TTC34: variants seen among roughly 807,000 people sequenced by gnomAD.
TTC34 encodes tetratricopeptide repeat protein 34.
TTC34 carries 44 observed loss-of-function variants against 40.7 expected under a neutral mutation model. The ratio of observed to expected loss-of-function variants is 1.08; its 90% CI spans 0.85 to 1.39. The LOEUF (loss-of-function observed/expected upper bound fraction) is 1.39. Among genes scored for constraint, TTC34 ranks in the 40% most tolerant of loss-of-function variants. TTC34 has a pLI of 0.00. For missense variants in TTC34, 884 were observed against 838.0 expected (o/e 1.05, Z -0.68); for synonymous variants, 422 against 398.6 (o/e 1.06, Z -0.70).
At chr1:2,683,268 C>A (rs570581758) in intron 6 of TTC34, among the ~76,000 whole-genome samples, 4 of 151,722 alleles carry the variant, frequency 2.6e-5, no homozygotes, top group East Asian at 1.9e-4. Context: ...GCAGCACCCA[C>A]ACCCACAGGT....
intron 6 of TTC34, among the ~76,000 whole-genome samples, chr1:2,685,011 T>C (rs1470862131): frequency 2.1e-5 from 3 of 143,346 alleles, no homozygotes; most frequent in African/African-American, 5.6e-5. Flanking sequence ...CAGGCGAGCA[T>C]CTGACAGCAT....
chr1:2,782,157 G>T (rs958331050), intron 6 of TTC34, among the ~76,000 whole-genome samples: 2 of 152,114 alleles, frequency 1.3e-5, no homozygotes, highest in Non-Finnish European at 2.9e-5. Flanking sequence ...GGAGATTTTT[G>T]ATTACTGACT....
chr1:2,676,955 A>T (rs1165175070), intron 6 of TTC34, among the ~76,000 whole-genome samples: 1 of 122,528 alleles, frequency 8.2e-6, no homozygotes, highest in Non-Finnish European at 1.7e-5. Flanking sequence ...ACAGCATGGA[A>T]CAGCACCCTG....
At position 2,748,735 on chromosome 1, in the gene TTC34, C is replaced by A. The variant is rs1414133514; in HGVS notation, c.2226+34874G>T. Among the ~76,000 whole-genome samples, 23 of 124,142 alleles carry A rather than the reference C, an allele frequency of 1.9e-4. 2 individuals carry two copies. The highest frequency in any genetic ancestry group is 4.9e-5 in the Non-Finnish European group (3 of 61,646). 81.4% of individuals were successfully genotyped at this position (124,142 alleles called of 152,430 possible). On this transcript the variant is annotated intron_variant, in intron 6 of 8. Coordinates refer to ENST00000401095, the Ensembl canonical transcript of TTC34. ...AGAACCCACACCTCCAGGTGAGCAT[C>A]TGACAGACTGGAACAGCACCCACAC...
chr1:2,783,771 G>C, exon 6 of TTC34: 5 of 1,501,936 alleles, frequency 3.3e-6, no homozygotes, highest in Non-Finnish European at 4.5e-6. Flanking sequence ...CACTTGCCTG[G>C]CTTCCTGCAG....
chr1:2,686,648 G>T (rs1373565418), intron 6 of TTC34, among the ~76,000 whole-genome samples: 7 of 148,676 alleles, frequency 4.7e-5, no homozygotes, highest in Non-Finnish European at 8.9e-5. Context: ...ACACACCCAG[G>T]TGAGCATCTG....
chr1:2,771,767 C>T (rs1230020020), intron 6 of TTC34, among the ~76,000 whole-genome samples: 2 of 128,644 alleles, frequency 1.6e-5, no homozygotes, highest in East Asian at 2.2e-4. Context: ...TCCACACCCC[C>T]AGGTGAGCAT....
At chr1:2,751,408 C>T (rs1412841374) in intron 6 of TTC34, among the ~76,000 whole-genome samples, 12 of 123,950 alleles carry the variant, frequency 9.7e-5, no homozygotes, top group African/African-American at 1.9e-4. Flanking sequence ...CACCCACACA[C>T]ACAGGTGGGC....
chr1:2,646,728 G>A (rs1055231632), intron 6 of TTC34, among the ~76,000 whole-genome samples: 3 of 152,212 alleles, frequency 2.0e-5, no homozygotes, highest in Non-Finnish European at 4.4e-5. Context: ...ATTAAAAGAA[G>A]AAATAAATAC....
At position 2,645,105 on chromosome 1, in the gene TTC34, G is replaced by A. The variant is rs1250677200; in HGVS notation, c.2497+188C>T. ...AGCCACCCGGGTAAAGCAGAGGAGA[G>A]CCTTTTGAACGCCAGGCCTCACACA... On this transcript the variant is annotated intron_variant, in intron 7 of 8. Coordinates refer to ENST00000401095, the Ensembl canonical transcript of TTC34. This position sits in a 1 kb window ranked among gnomAD's most constrained non-coding sequence, Gnocchi z 4.7. Among the ~76,000 whole-genome samples the A allele has an allele frequency of 6.6e-6, 1 of 152,194 alleles. No homozygotes were observed. The highest frequency in any genetic ancestry group is 1.5e-5 in the Non-Finnish European group (1 of 68,038).
intron 6 of TTC34, among the ~76,000 whole-genome samples, chr1:2,652,399 C>A (rs868320856): frequency 5.3e-5 from 7 of 132,066 alleles, no homozygotes; most frequent in Admixed American, 7.3e-5. Context: ...TGGAGCAGCA[C>A]GCACACCCCC....
exon 4 of TTC34, chr1:2,787,682 C>T: frequency 6.5e-7 from 1 of 1,547,322 alleles, no homozygotes; most frequent in Non-Finnish European, 8.7e-7. Flanking sequence ...GCAGTGTGGC[C>T]AGCTGGTGCA....
chr1:2,751,278 C>A lies in TTC34; in HGVS notation c.2226+32331G>T, dbSNP rs1435589355. Among the ~76,000 whole-genome samples the A allele has an allele frequency of 4.0e-4, 48 of 120,788 alleles. 7 individuals carry two copies. Among genetic ancestry groups the A allele is most frequent in the Non-Finnish European group, 4.5e-4 (27 of 59,524 alleles). 79.2% of individuals were successfully genotyped at this position (120,788 alleles called of 152,430 possible). A position where few individuals can be genotyped will look rare whatever the true frequency, so the allele number is the denominator to read the frequency against. ...GTGAGCATCCGACAGCCTGGAACAG[C>A]ACCCACACACCCAGGTGAGCATCCG... is the stretch of plus-strand genomic sequence containing the variant. On this transcript the variant is annotated intron_variant, in intron 6 of 8. Coordinates refer to ENST00000401095, the Ensembl canonical transcript of TTC34.
chr1:2,778,475 A>C (rs761883223), intron 6 of TTC34, among the ~76,000 whole-genome samples: 1 of 152,198 alleles, frequency 6.6e-6, no homozygotes, highest in East Asian at 1.9e-4. Flanking sequence ...TTGAGTAGAC[A>C]GCTCAGGCTA....
intron 6 of TTC34, among the ~76,000 whole-genome samples, chr1:2,700,275 C>G (rs531245148): frequency 1.0e-5 from 1 of 100,366 alleles, no homozygotes; most frequent in African/African-American, 3.0e-5. Flanking sequence ...ATGCGATAGC[C>G]TGGAGCAGCA....
intron 6 of TTC34, among the ~76,000 whole-genome samples, chr1:2,688,388 C>T (rs1466231789): frequency 7.4e-5 from 10 of 135,996 alleles, no homozygotes; most frequent in African/African-American, 2.4e-4. Context: ...GAGCATCTGA[C>T]AGCCTGGAAC....
intron 6 of TTC34, among the ~76,000 whole-genome samples, chr1:2,691,143 C>A (rs1488204101): frequency 1.4e-5 from 1 of 69,506 alleles, no homozygotes; most frequent in Non-Finnish European, 3.4e-5. Context: ...ACCCACACCG[C>A]CAGGGGAGTA....
At chr1:2,786,136 C>G in intron 4 of TTC34, 113 bp from the exon 5 acceptor site, 2 of 1,030,610 alleles carry the variant, frequency 1.9e-6, no homozygotes, top group African/African-American at 1.7e-5. Flanking sequence ...CCAGGGTCCA[C>G]CTGGTGCCAA....
At chr1:2,656,342 G>A (rs1447615080) in intron 6 of TTC34, among the ~76,000 whole-genome samples, 89 of 141,848 alleles carry the variant, frequency 6.3e-4, no homozygotes, top group Middle Eastern at 0.01. Flanking sequence ...ACACCCCCAG[G>A]TGAGCATCTG....
Sources: gnomAD v4.1 joint callset for allele counts (sites outside exome capture counted in the v4.1 genomes callset) on GRCh38, gnomAD v4.1.1 for gene constraint, Gnocchi (gnomAD v3.1) non-coding constraint, MANE v1.5 for transcripts, NCBI Gene and HGNC (gene_info 2026-07-23, HGNC 2026-07-21) for gene names.